CLNK: variants seen among roughly 807,000 people sequenced by gnomAD.
CLNK encodes the protein cytokine dependent hematopoietic cell linker, also known as cytokine-dependent hematopoietic cell linker.
In CLNK, 74 loss-of-function variants were observed where a neutral mutation model predicts 68.6. The observed-to-expected ratio is 1.08, with a 90% CI of 0.89 to 1.31. The LOEUF (loss-of-function observed/expected upper bound fraction) is 1.31. CLNK is among the 50% of genes most tolerant of loss of function. The pLI is 0.00. For missense variants in CLNK, 553 were observed against 515.3 expected (o/e 1.07, Z -0.71); for synonymous variants, 198 against 172.2 (o/e 1.15, Z -1.17).
chr4:10,646,697 T>C (rs1242707128), intron 2 of CLNK, among the ~76,000 whole-genome samples: 1 of 152,060 alleles, frequency 6.6e-6, no homozygotes, highest in Non-Finnish European at 1.5e-5. Flanking sequence ...CTTTTTTTTT[T>C]CCCTTGTATG....
chr4:10,598,560 G>A (rs1721470081), intron 2 of CLNK: 1 of 291,922 alleles, frequency 3.4e-6, no homozygotes, highest in South Asian at 2.8e-5. Context: ...AGACTATTTA[G>A]CAACAGCCAC....
Position 10,558,446 on chromosome 4 carries a change from T to A in CLNK, c.406A>T (p.Lys136Ter), listed in dbSNP as rs1448944627. The change falls in exon 8 of 19, where the codon AAA becomes TAA. Residue 136 changes from lysine to a stop codon, truncating the protein, a stop_gained. Coordinates refer to ENST00000226951, the MANE Select transcript of CLNK (RefSeq NM_052964.4). LOFTEE classifies it high-confidence loss of function. Reference protein sequence around the residue: ...NTQTRLERVDKPISKDVRSQN... With the variant: ...NTQTRLERVD Reference sequence around the variant, plus strand: ...CTTCTGACGTCCTTGGAAATGGGTTTGTCCACCTGTACAAGACAATGAGGC... The same window carrying A: ...CTTCTGACGTCCTTGGAAATGGGTTAGTCCACCTGTACAAGACAATGAGGC... The A allele has an allele frequency of 8.1e-6, 13 of 1,613,908 alleles. No homozygotes were observed. The highest frequency in any genetic ancestry group is 1.1e-5 in the Non-Finnish European group (13 of 1,179,772).
chr4:10,584,065 A>G (rs1577146485), intron 4 of CLNK, among the ~76,000 whole-genome samples: 2 of 152,160 alleles, frequency 1.3e-5, no homozygotes, highest in African/African-American at 2.4e-5. Flanking sequence ...AGAGAAGACA[A>G]TCTTGTTTAG....
At chr4:10,541,412 G>T (rs1295629185) in intron 10 of CLNK, among the ~76,000 whole-genome samples, 1 of 152,166 alleles carries the variant, frequency 6.6e-6, no homozygotes, top group Admixed American at 6.5e-5. Context: ...GCAGGGAAGA[G>T]AGAGAGATGA....
intron 2 of CLNK, among the ~76,000 whole-genome samples, chr4:10,643,585 G>T (rs140694457): frequency 6.6e-6 from 1 of 152,298 alleles, no homozygotes; most frequent in East Asian, 1.9e-4. Context: ...ACGCTCAGGC[G>T]CATAATAACA....
the CLNK span, among the ~76,000 whole-genome samples, chr4:10,711,077 T>C: frequency 1.3e-5 from 2 of 152,228 alleles, no homozygotes; most frequent in Non-Finnish European, 2.9e-5. Flanking sequence ...TGGTTCCAGC[T>C]TCTCAGCAAA....
rs553514865 is a variant in CLNK, at chr4:10,674,431, T to C, written c.-42-6520A>G. ...TGAGTGTATACCAGGGCTTAAAGCCTAGGCAAAAGGGCCAGAATATGCTCA... is the reference window on the plus strand; with the variant it reads ...TGAGTGTATACCAGGGCTTAAAGCCCAGGCAAAAGGGCCAGAATATGCTCA... On this transcript the variant is annotated intron_variant, in intron 1 of 18. Transcript: ENST00000226951. Among the ~76,000 whole-genome samples the C allele has an allele frequency of 3.3e-5, 5 of 152,230 alleles. 1 individual carries two copies. Among genetic ancestry groups the C allele is most frequent in the Admixed American group, 6.5e-5 (1 of 15,278 alleles).
chr4:10,729,336 C>G, the CLNK span, among the ~76,000 whole-genome samples: 3 of 152,104 alleles, frequency 2.0e-5, no homozygotes, highest in Non-Finnish European at 4.4e-5. Context: ...TTAGTACAGC[C>G]TCTATGGAAA....
At chr4:10,704,222 A>T in the CLNK span, among the ~76,000 whole-genome samples, 1 of 152,208 alleles carries the variant, frequency 6.6e-6, no homozygotes, top group African/African-American at 2.4e-5. Flanking sequence ...AAGTCGTTGC[A>T]ATCCATCTTT....
At chr4:10,636,601 T>G in intron 2 of CLNK, among the ~76,000 whole-genome samples, 1 of 151,534 alleles carries the variant, frequency 6.6e-6, no homozygotes. Flanking sequence ...TGGTCTTGGG[T>G]AGAGGGGAGG....
In CLNK at chr4:10,564,794, A is replaced by T; in HGVS notation, c.293-17T>A. On this transcript the variant is annotated splice_polypyrimidine_tract_variant and intron_variant, in intron 6 of 18. Coordinates refer to ENST00000226951, the MANE Select transcript of CLNK (RefSeq NM_052964.4). ...AGTGTGTATCTATGCAAACAGAAAA[A>T]TATGAAAGTCATACCTTACGTGGAC... 6.7e-7 allele frequency: 1 copy of T among 1,482,388 alleles called. No individual in the cohort carries two copies. The highest frequency in any genetic ancestry group is 1.1e-5 in the South Asian group (1 of 88,180). The allele number at this position is 1,482,388 out of a possible 1,614,324, so 91.8% of individuals were successfully genotyped here.
chr4:10,715,019 G>T, the CLNK span, among the ~76,000 whole-genome samples: 1 of 151,834 alleles, frequency 6.6e-6, no homozygotes, highest in South Asian at 2.1e-4. Flanking sequence ...AAATGATCAT[G>T]TAATTTTTAT....
chr4:10,673,061 G>A (rs1384453965), intron 1 of CLNK, among the ~76,000 whole-genome samples: 1 of 152,112 alleles, frequency 6.6e-6, no homozygotes, highest in African/African-American at 2.4e-5. Flanking sequence ...TTTGATCATG[G>A]AAAAGTTTTC....
chr4:10,664,746 A>G (rs998758190), intron 2 of CLNK, among the ~76,000 whole-genome samples: 23 of 152,222 alleles, frequency 1.5e-4, no homozygotes, highest in African/African-American at 5.5e-4. Flanking sequence ...GCCTGCCCTT[A>G]GATCAACAGC....
rs112217592 is a variant in CLNK, at chr4:10,604,176, C to T, written c.12-6127G>A. 5.7e-3 allele frequency among the ~76,000 whole-genome samples: 863 copies of T among 152,222 alleles called. 5 individuals are homozygous for T. Among genetic ancestry groups the T allele is most frequent in the African/African-American group, 0.019 (808 of 41,526 alleles). On this transcript the variant is annotated intron_variant, in intron 2 of 18. Coordinates refer to ENST00000226951, the MANE Select transcript of CLNK (RefSeq NM_052964.4). ...TCGTGATTATATTTATTCTCTAGGGCCCAATTCTTACCCCAAATGACGAAA... is the reference window on the plus strand; with the variant it reads ...TCGTGATTATATTTATTCTCTAGGGTCCAATTCTTACCCCAAATGACGAAA...
intron 15 of CLNK, among the ~76,000 whole-genome samples, chr4:10,518,567 A>G (rs1441074487): frequency 6.6e-6 from 1 of 152,228 alleles, no homozygotes; most frequent in Non-Finnish European, 1.5e-5. Flanking sequence ...CGTTGTTACT[A>G]CTTTGGAATA....
In CLNK at chr4:10,542,253, A is replaced by T. The variant is rs753992052; in HGVS notation, c.471+2T>A. The T allele has an allele frequency of 4.6e-6, 7 of 1,521,182 alleles. No individual in the cohort carries two copies. The highest frequency in any genetic ancestry group is 3.4e-4 in the Middle Eastern group (2 of 5,906). The allele number at this position is 1,521,182 out of a possible 1,614,324, so 94.2% of individuals were successfully genotyped here. A position where few individuals can be genotyped will look rare whatever the true frequency, so the allele number is the denominator to read the frequency against. ...CAAATGCATTTTATTGATTTCTCTTACCTTGTTCTTTCTTACGGATGCATC... is the reference window on the plus strand; with the variant it reads ...CAAATGCATTTTATTGATTTCTCTTTCCTTGTTCTTTCTTACGGATGCATC... On this transcript the variant is annotated splice_donor_variant, in intron 9 of 18. Transcript: ENST00000226951. LOFTEE classifies it high-confidence loss of function.
rs977070177 is a variant in CLNK, at chr4:10,507,971, C to G, written c.972G>C (p.Met324Ile). The G allele has an allele frequency of 2.5e-6, 4 of 1,607,532 alleles. No homozygotes were observed. The highest frequency in any genetic ancestry group is 3.4e-6 in the Non-Finnish European group (4 of 1,176,788). ...TAGAAGGCATTACCTTGTTCTCCTT[C>G]ATGAATGCCTCTTCCACTGCCTGGC... ...YSRQAVEEAF[M>I]KENKDGSFLV... The change falls in exon 17 of 19, where the codon ATG becomes ATC. Residue 324 changes from methionine to isoleucine, a missense_variant. Met to Ile is a conservative substitution (Grantham distance 10). Transcript: ENST00000226951.
intron 17 of CLNK, among the ~76,000 whole-genome samples, chr4:10,505,390 C>A (rs1045456422): frequency 3.9e-5 from 6 of 152,208 alleles, no homozygotes; most frequent in African/African-American, 1.4e-4. Context: ...GCCTCAGTTT[C>A]CTCATCTGGG....
Sources: gnomAD v4.1 joint callset for allele counts (sites outside exome capture counted in the v4.1 genomes callset) on GRCh38, gnomAD v4.1.1 for gene constraint, MANE v1.5 for transcripts, NCBI Gene and HGNC (gene_info 2026-07-23, HGNC 2026-07-21) for gene names.